The following MAP4K3 variants were observed in gnomAD, a reference collection of about 807,000 sequenced individuals.
The protein encoded by MAP4K3 is MAPK/ERK kinase kinase kinase 3.
MAP4K3 carries 94 observed loss-of-function variants against 143.5 expected under a neutral mutation model. The observed-to-expected ratio is 0.65, with a 90% confidence interval of 0.55 to 0.78. MAP4K3 has a LOEUF of 0.78. Ranked by LOEUF, MAP4K3 falls within the 30% of genes least tolerant of loss-of-function variation. MAP4K3 has a pLI of 0.00. For missense variants in MAP4K3, 1,077 were observed against 1,068.1 expected, an observed-to-expected ratio of 1.01 and a Z score of -0.12; for synonymous variants, 416 against 347.2, an observed-to-expected ratio of 1.20 and a Z score of -2.20.
intron 28 of MAP4K3, among the ~76,000 whole-genome samples, chr2:39,264,343 T>C (rs1277443727): frequency 1.3e-5 from 2 of 152,230 alleles, no homozygotes; most frequent in South Asian, 2.1e-4. Flanking sequence ...AATACTTCAA[T>C]AGGTTTCAAA....
intron 1 of MAP4K3, among the ~76,000 whole-genome samples, chr2:39,409,967 G>A (rs1280853391): frequency 6.6e-6 from 1 of 152,170 alleles, no homozygotes; most frequent in East Asian, 1.9e-4. Context: ...TAGCAGAAAG[G>A]TATTTCCATT....
intron 1 of MAP4K3, among the ~76,000 whole-genome samples, chr2:39,435,053 C>T (rs1665410796): frequency 6.6e-6 from 1 of 152,188 alleles, no homozygotes; most frequent in Admixed American, 6.5e-5. Flanking sequence ...ACCCTGCCAC[C>T]TAAAACGTAT....
intron 4 of MAP4K3, among the ~76,000 whole-genome samples, chr2:39,341,348 A>G (rs1407518037): frequency 6.6e-6 from 1 of 152,144 alleles, no homozygotes; most frequent in African/African-American, 2.4e-5. Flanking sequence ...GAAGTTTACC[A>G]CTAAAATATC....
chr2:39,307,892 C>T, intron 15 of MAP4K3, 51 bp downstream of exon 15: 1 of 1,369,112 alleles, frequency 7.3e-7, no homozygotes, highest in Non-Finnish European at 9.9e-7. Flanking sequence ...TAAAAGAAAA[C>T]AATTAAGACT....
chr2:39,287,164 A>G (rs1681821000), intron 20 of MAP4K3, among the ~76,000 whole-genome samples, 200 bp from the exon 21 acceptor site: 2 of 152,216 alleles, frequency 1.3e-5, no homozygotes, highest in Non-Finnish European at 2.9e-5. Context: ...TTTCTGGCAT[A>G]TTAGGCAAAT....
intron 3 of MAP4K3, among the ~76,000 whole-genome samples, chr2:39,349,243 G>A (rs1457048121): frequency 6.6e-6 from 1 of 152,064 alleles, no homozygotes; most frequent in Non-Finnish European, 1.5e-5. Context: ...CTTATTTAAC[G>A]TGAAGAAAAT....
chr2:39,303,332 C>CA (rs1404000244), intron 15 of MAP4K3, among the ~76,000 whole-genome samples: 1 of 151,926 alleles, frequency 6.6e-6, no homozygotes, highest in Non-Finnish European at 1.5e-5. Flanking sequence ...GTCAGAAAAG[C>CA]AAGTAGAGTC....
chr2:39,431,401 T>C lies in MAP4K3; in HGVS notation c.96+5491A>G, dbSNP rs189152782. Among the ~76,000 whole-genome samples the C allele has an allele frequency of 2.9e-4, 44 of 152,320 alleles. 1 individual carries two copies. The East Asian group carries it at 7.3e-3, about 25-fold the overall frequency. On this transcript the variant is annotated intron_variant, in intron 1 of 33. Transcript: ENST00000263881. The stretch of plus-strand genomic sequence containing the variant: ...GGGATATCTTTTCTCATTCTAAAGA[T>C]TCACTTTCATACCTTTTTTAATTCT...
chr2:39,315,343 C>A lies in MAP4K3; in HGVS notation c.964G>T (p.Val322Leu), dbSNP rs146697994. Residue 322 changes from valine to leucine, a missense_variant, in exon 13 of 34, where the codon GTG (valine) becomes TTG (leucine). Physicochemically the swap from Val to Leu is conservative, Grantham distance 32. Transcript: ENST00000263881. Reference protein sequence around the residue: ...PHRIHSTSRNVREEKTRSEIT... With the variant: ...PHRIHSTSRNLREEKTRSEIT... The stretch of plus-strand genomic sequence containing the variant: ...TCTGAGCGTGTTTTTTCTTCTCTCA[C>A]GTTTCTACTTGTTGAGTGAATTCTA... 586 of 1,612,450 alleles carry A rather than the reference C, an allele frequency of 3.6e-4. 3 individuals carry two copies. The African/African-American group carries it at 7.0e-3, about 19-fold the overall frequency.
At chr2:39,368,628 C>T (rs1331203781) in intron 2 of MAP4K3, among the ~76,000 whole-genome samples, 2 of 151,596 alleles carry the variant, frequency 1.3e-5, no homozygotes, top group Non-Finnish European at 2.9e-5. Flanking sequence ...ATGATCACAT[C>T]ACTATACTCC....
intron 1 of MAP4K3, among the ~76,000 whole-genome samples, chr2:39,394,242 C>T (rs1558685165): frequency 6.6e-6 from 1 of 152,108 alleles, no homozygotes; most frequent in Non-Finnish European, 1.5e-5. Flanking sequence ...TCTGTTACTG[C>T]TGGATATTTA....
intron 24 of MAP4K3, among the ~76,000 whole-genome samples, chr2:39,273,645 G>A (rs1681128583): frequency 6.6e-6 from 1 of 152,152 alleles, no homozygotes; most frequent in Non-Finnish European, 1.5e-5. Flanking sequence ...TAATAAAAGG[G>A]AGGAGAAACA....
At chr2:39,419,909 C>G (rs1385193657) in intron 1 of MAP4K3, among the ~76,000 whole-genome samples, 2 of 152,078 alleles carry the variant, frequency 1.3e-5, no homozygotes, top group Admixed American at 1.3e-4. Flanking sequence ...TGGTGGAGCA[C>G]AGGATGGGGA....
intron 12 of MAP4K3, among the ~76,000 whole-genome samples, chr2:39,324,976 A>G (rs932825246): frequency 2.0e-5 from 3 of 152,152 alleles, no homozygotes; most frequent in Non-Finnish European, 4.4e-5. Context: ...ATGAAGTATT[A>G]TATAAGAATT....
At chr2:39,304,546 A>C (rs2148493727) in intron 15 of MAP4K3, among the ~76,000 whole-genome samples, 1 of 152,350 alleles carries the variant, frequency 6.6e-6, no homozygotes, top group East Asian at 1.9e-4. Flanking sequence ...AAAGTCAAAA[A>C]CAAAACAAAA....
At chr2:39,372,001 T>C (rs1213680389) in intron 2 of MAP4K3, among the ~76,000 whole-genome samples, 2 of 151,608 alleles carry the variant, frequency 1.3e-5, no homozygotes, top group South Asian at 2.1e-4. Context: ...AGTCAAATTA[T>C]CCTTGTTTGC....
chr2:39,255,491 C>T (rs1156667846), intron 31 of MAP4K3, among the ~76,000 whole-genome samples: 1 of 152,138 alleles, frequency 6.6e-6, no homozygotes, highest in African/African-American at 2.4e-5. Flanking sequence ...CATAATGCCA[C>T]GAATTTCCAT....
intron 1 of MAP4K3, among the ~76,000 whole-genome samples, chr2:39,382,653 A>G (rs1383563301): frequency 1.3e-5 from 2 of 152,254 alleles, no homozygotes; most frequent in Non-Finnish European, 2.9e-5. Context: ...TCATATAAAG[A>G]GTTTAAATAC....
At chr2:39,274,851 T>C (rs1488464074) in intron 24 of MAP4K3, among the ~76,000 whole-genome samples, 1 of 152,184 alleles carries the variant, frequency 6.6e-6, no homozygotes, top group Admixed American at 6.5e-5. Context: ...ATGTTAGCTA[T>C]AAATAATAAA....
Sources: gnomAD v4.1 joint callset for allele counts (sites outside exome capture counted in the v4.1 genomes callset) on GRCh38, gnomAD v4.1.1 for gene constraint, MANE v1.5 for transcripts, NCBI Gene and HGNC (gene_info 2026-07-23, HGNC 2026-07-21) for gene names.